VRK2: variants seen among roughly 807,000 people sequenced by gnomAD.
VRK2 encodes the protein serine/threonine-protein kinase VRK2.
In VRK2, 60 loss-of-function variants were observed where a neutral mutation model predicts 57.6. That is an observed-to-expected ratio of 1.04 (90% CI 0.85 to 1.29). VRK2 has a LOEUF of 1.29. VRK2 is among the 50% of genes most tolerant of loss of function. The probability of loss-of-function intolerance (pLI) is 0.00; values close to 1 mark genes in which losing one functional copy is unlikely to be tolerated. For missense variants in VRK2, 705 were observed against 588.1 expected, an observed-to-expected ratio of 1.20 and a Z score of -2.06; for synonymous variants, 231 against 199.2, an observed-to-expected ratio of 1.16 and a Z score of -1.35.
At chr2:58,137,080 A>ATGTGTT in intron 10 of VRK2, among the ~76,000 whole-genome samples, 1 of 66,562 alleles carries the variant, frequency 1.5e-5, no homozygotes, top group Admixed American at 1.5e-4. Context: ...CATATATAAC[A>ATGTGTT]TATATATGTG....
At chr2:57,988,981 G>C (rs1672682420) in intron 1 of VRK2, among the ~76,000 whole-genome samples, 2 of 151,944 alleles carry the variant, frequency 1.3e-5, no homozygotes, top group South Asian at 4.1e-4. Flanking sequence ...CAAGATACCT[G>C]AAAATACCAA....
intron 1 of VRK2, among the ~76,000 whole-genome samples, chr2:57,991,398 A>C (rs1672761680): frequency 6.6e-6 from 1 of 151,916 alleles, no homozygotes; most frequent in African/African-American, 2.4e-5. Flanking sequence ...AAGTGGTAAC[A>C]GGTGGAGGCA....
chr2:58,014,336 G>T (rs1673510153), intron 1 of VRK2, among the ~76,000 whole-genome samples: 1 of 152,114 alleles, frequency 6.6e-6, no homozygotes, highest in African/African-American at 2.4e-5. Context: ...TGTCCTTTCT[G>T]CTACATTTAA....
rs894818115 is a variant in VRK2 at position 57,931,548 on chromosome 2, T to C, written c.-439+23709T>C. Among the ~76,000 whole-genome samples, 10 of 152,330 alleles carry C rather than the reference T, an allele frequency of 6.6e-5. No homozygotes were observed. In the East Asian group the frequency reaches 1.9e-3, roughly 29 times the overall value. On this transcript the variant is annotated intron_variant, in intron 1 of 15. Coordinates refer to the VRK2 transcript ENST00000417641. ...ATATCAGGTATACGGTTTGCAAATA[T>C]ATTATCTCATTCCATAGTGTGCCTT...
intron 2 of VRK2, among the ~76,000 whole-genome samples, chr2:58,052,809 G>A (rs957050099): frequency 1.3e-5 from 2 of 152,126 alleles, no homozygotes; most frequent in African/African-American, 2.4e-5. Context: ...TGCTATAGTA[G>A]TGAAAAGTTC....
At chr2:58,087,678 C>A (rs1021727376) in intron 5 of VRK2, among the ~76,000 whole-genome samples, 6 of 152,026 alleles carry the variant, frequency 3.9e-5, no homozygotes, top group Non-Finnish European at 5.9e-5. Flanking sequence ...ATGATCTTAT[C>A]AAGAAACAAA....
intron 11 of VRK2, among the ~76,000 whole-genome samples, chr2:58,140,416 T>G (rs1009439950): frequency 4.0e-5 from 6 of 151,610 alleles, no homozygotes; most frequent in Non-Finnish European, 5.9e-5. Context: ...TTTAAGCGGG[T>G]GGTGGAAATC....
rs549970529 is a variant in VRK2 at position 57,939,526 on chromosome 2, G to A, written c.-439+31687G>A. The stretch of plus-strand genomic sequence containing the variant: ...TGTTCATTTATTCAAATAAAAAAAT[G>A]AGGACACATGGCTGCACAGAGCACA... On this transcript the variant is annotated intron_variant, in intron 1 of 15. Transcript: ENST00000417641. 1.9e-4 allele frequency among the ~76,000 whole-genome samples: 29 copies of A among 152,278 alleles called. No individual in the cohort carries two copies. In the South Asian group the frequency reaches 3.7e-3, roughly 20 times the overall value.
rs138973805 is a variant in VRK2 at position 58,037,691 on chromosome 2, C to A, written c.-6+4138C>A. On this transcript the variant is annotated intron_variant, in intron 3 of 15. Transcript: ENST00000417641. The stretch of plus-strand genomic sequence containing the variant: ...GATATTTACTATGCTAGGTTCTTTG[C>A]CATCTTTTCATTTAAACCTTACAAT... 4.7e-3 allele frequency among the ~76,000 whole-genome samples: 712 copies of A among 152,202 alleles called. 2 individuals carry two copies. The highest frequency in any genetic ancestry group is 0.01 in the Middle Eastern group (3 of 294).
intron 2 of VRK2, among the ~76,000 whole-genome samples, chr2:58,064,568 A>G (rs927054714): frequency 3.9e-5 from 6 of 152,140 alleles, no homozygotes; most frequent in African/African-American, 7.2e-5. Flanking sequence ...TATAACTTTT[A>G]TATGTACTGG....
rs1335401991 is a variant in VRK2, at chr2:58,112,853, C to A, written c.544-10248C>A. The stretch of plus-strand genomic sequence containing the variant: ...GAAGGGTGGAACTTCATTATGAACA[C>A]AAGTTGTCTTAATATGTAGATAAAG... On this transcript the variant is annotated intron_variant, in intron 7 of 12. Transcript: ENST00000340157. Among the ~76,000 whole-genome samples the A allele has an allele frequency of 2.0e-5, 3 of 152,184 alleles. No individual in the cohort carries two copies. The East Asian group carries it at 5.8e-4, about 29-fold the overall frequency.
intron 2 of VRK2, among the ~76,000 whole-genome samples, chr2:58,069,328 C>T (rs1410982455): frequency 6.6e-6 from 1 of 152,088 alleles, no homozygotes; most frequent in Admixed American, 6.6e-5. Flanking sequence ...GTTTACTTAT[C>T]GAAGTCTGTA....
At chr2:58,133,216 C>G (rs1679471960) in intron 9 of VRK2, among the ~76,000 whole-genome samples, 1 of 145,984 alleles carries the variant, frequency 6.9e-6, no homozygotes, top group Non-Finnish European at 1.5e-5. Context: ...ATGAATATAC[C>G]TGCTTATGCA....
At chr2:58,146,505 A>G in intron 12 of VRK2, 31 bp downstream of exon 12, 1 of 1,592,518 alleles carries the variant, frequency 6.3e-7, no homozygotes, top group African/African-American at 1.4e-5. Context: ...TGTTTTTTCT[A>G]ACTTAATGTT....
chr2:58,149,759 A>C (rs1158974711), intron 12 of VRK2, among the ~76,000 whole-genome samples: 1 of 151,596 alleles, frequency 6.6e-6, no homozygotes, highest in Non-Finnish European at 1.5e-5. Context: ...CTGTTTTGAG[A>C]TCTTTTGAGA....
intron 1 of VRK2, among the ~76,000 whole-genome samples, chr2:57,972,066 T>C (rs1672113254): frequency 6.6e-6 from 1 of 151,794 alleles, no homozygotes; most frequent in African/African-American, 2.4e-5. Context: ...CATCCTTGCT[T>C]TATGGCTTGA....
At chr2:57,986,585 T>C (rs1437722547) in intron 1 of VRK2, among the ~76,000 whole-genome samples, 2 of 149,274 alleles carry the variant, frequency 1.3e-5, no homozygotes, top group African/African-American at 2.5e-5. Context: ...CACTAATACA[T>C]AGTTCAATCG....
At chr2:57,960,588 T>C (rs960381364) in intron 1 of VRK2, among the ~76,000 whole-genome samples, 2 of 152,210 alleles carry the variant, frequency 1.3e-5, no homozygotes, top group African/African-American at 4.8e-5. Context: ...TTTCCTAGGT[T>C]CATATCTATG....
rs551496190 is a variant in VRK2, at chr2:58,135,125, C to A, written c.798-16C>A. 1.3e-4 allele frequency: 217 copies of A among 1,613,592 alleles called. No homozygotes were observed. The South Asian group carries it at 2.3e-3, about 17-fold the overall frequency. ...TTGAAAACATGTTCATTGTGCATTA[C>A]CTTATTTTGTTTTAGTCTGTTGGAC... On this transcript the variant is annotated splice_polypyrimidine_tract_variant and intron_variant, in intron 9 of 12. Coordinates refer to ENST00000340157, the MANE Select transcript of VRK2 (RefSeq NM_006296.7).
Sources: gnomAD v4.1 joint callset for allele counts (sites outside exome capture counted in the v4.1 genomes callset) on GRCh38, gnomAD v4.1.1 for gene constraint, MANE v1.5 for transcripts, NCBI Gene and HGNC (gene_info 2026-07-23, HGNC 2026-07-21) for gene names.